Variants in TMEM132D observed in about 807,000 individuals in gnomAD.
TMEM132D encodes the protein mature OL transmembrane protein.
Under a neutral mutation model 62.3 loss-of-function variants are expected in TMEM132D, and 21 were observed. The observed-to-expected ratio is 0.34, with a 90% CI of 0.24 to 0.49. The LOEUF is 0.49. Among genes scored for constraint, TMEM132D ranks in the 20% least tolerant of loss-of-function variants. The pLI is 0.99. For synonymous variants in TMEM132D, 621 were observed against 575.6 expected (o/e 1.08, Z -1.13); for missense variants, 1,346 against 1,402.8 (o/e 0.96, Z 0.65).
chr12:129,290,968 C>T (rs186608362), intron 4 of TMEM132D, among the ~76,000 whole-genome samples: 27 of 152,244 alleles, frequency 1.8e-4, no homozygotes, highest in Non-Finnish European at 2.2e-4. Flanking sequence ...TAAAATTTTC[C>T]TTAAATTGCC....
chr12:129,611,977 C>T (rs1281418295), intron 2 of TMEM132D, among the ~76,000 whole-genome samples: 3 of 152,178 alleles, frequency 2.0e-5, no homozygotes, highest in Non-Finnish European at 1.5e-5. Context: ...ACAACGCAGA[C>T]ACTGGGCCGT....
Position 129,363,698 on chromosome 12 carries a change from C to T in TMEM132D, c.1116-25881G>A, listed in dbSNP as rs781451182. 9.9e-5 allele frequency among the ~76,000 whole-genome samples: 15 copies of T among 152,166 alleles called. No homozygotes were observed. The East Asian group carries it at 1.7e-3, about 18-fold the overall frequency. ...CTATGATCAATACATAATTGTGTTTCGGCCTTCAAGTGCTCAAGGTCTGAG... is the reference window on the plus strand; with the variant it reads ...CTATGATCAATACATAATTGTGTTTTGGCCTTCAAGTGCTCAAGGTCTGAG... On this transcript the variant is annotated intron_variant, in intron 3 of 8. Transcript: ENST00000422113.
intron 5 of TMEM132D, among the ~76,000 whole-genome samples, chr12:129,193,265 G>A (rs1406814419): frequency 1.3e-5 from 2 of 151,916 alleles, no homozygotes; most frequent in African/African-American, 4.8e-5. Flanking sequence ...GTTTTAAGGT[G>A]ACATATGGCA....
intron 2 of TMEM132D, among the ~76,000 whole-genome samples, chr12:129,586,053 G>GT (rs35429960): frequency 6.6e-6 from 1 of 150,772 alleles, no homozygotes. Flanking sequence ...GAATAAAATA[G>GT]AGGGTCTAGC....
At chr12:129,473,196 C>A (rs1247468099) in intron 3 of TMEM132D, among the ~76,000 whole-genome samples, 15 of 152,176 alleles carry the variant, frequency 9.9e-5, no homozygotes, top group Admixed American at 4.6e-4. Context: ...GTCAGCCTAA[C>A]CTTCAGCTAC....
chr12:129,121,011 G>A (rs1876040959), intron 5 of TMEM132D, among the ~76,000 whole-genome samples: 1 of 152,078 alleles, frequency 6.6e-6, no homozygotes, highest in African/African-American at 2.4e-5. Context: ...TAATATGCTA[G>A]GTAGGTTACA....
chr12:129,133,967 C>T (rs964827456), intron 5 of TMEM132D, among the ~76,000 whole-genome samples: 1 of 152,120 alleles, frequency 6.6e-6, no homozygotes, highest in Non-Finnish European at 1.5e-5. Flanking sequence ...GGGAGCCCAC[C>T]TGAGCAAGAA....
intron 2 of TMEM132D, among the ~76,000 whole-genome samples, chr12:129,586,734 C>T (rs1878040024): frequency 6.6e-6 from 1 of 152,172 alleles, no homozygotes. Context: ...AGTGAACGTT[C>T]AGTCCATGAT....
intron 3 of TMEM132D, among the ~76,000 whole-genome samples, chr12:129,478,692 T>C (rs1268679401): frequency 6.6e-6 from 1 of 152,220 alleles, no homozygotes; most frequent in Non-Finnish European, 1.5e-5. Context: ...TATGTTGCTG[T>C]GTTCAGTACA....
rs564251292 is a variant in TMEM132D, at chr12:129,717,563, GTATGGGAAACACAGAA to G, written c.80-16881_80-16866del. ...GATAAAATATTTAATAAATATTTCCGTATGGGAAACACAGAATATGGGAAACACAGAATATGGGAAA... is the reference window on the plus strand; with the variant it reads ...GATAAAATATTTAATAAATATTTCCGTATGGGAAACACAGAATATGGGAAA... On this transcript the variant is annotated intron_variant, in intron 1 of 8. Coordinates refer to ENST00000422113, the MANE Select transcript of TMEM132D (RefSeq NM_133448.3). 4.3e-3 allele frequency among the ~76,000 whole-genome samples: 638 copies of G among 149,008 alleles called. 3 individuals carry two copies. Among genetic ancestry groups the G allele is most frequent in the African/African-American group, 0.012 (495 of 40,896 alleles).
At chr12:129,435,723 G>A (rs757753589) in intron 3 of TMEM132D, among the ~76,000 whole-genome samples, 1 of 152,186 alleles carries the variant, frequency 6.6e-6, no homozygotes, top group Non-Finnish European at 1.5e-5. Flanking sequence ...TTATGGTTAA[G>A]TCATTCAGTG....
At chr12:129,441,188 A>G (rs150351036) in intron 3 of TMEM132D, among the ~76,000 whole-genome samples, 10 of 152,342 alleles carry the variant, frequency 6.6e-5, no homozygotes, top group Non-Finnish European at 1.2e-4. Flanking sequence ...AAAAACTTCC[A>G]AACAACCTCT....
chr12:129,590,899 T>C (rs756266445), intron 2 of TMEM132D, among the ~76,000 whole-genome samples: 3 of 152,182 alleles, frequency 2.0e-5, no homozygotes, highest in Non-Finnish European at 4.4e-5. Flanking sequence ...CATATTTCCA[T>C]TGAACGGACC....
intron 2 of TMEM132D, among the ~76,000 whole-genome samples, chr12:129,583,403 G>A (rs561583112): frequency 1.2e-4 from 19 of 152,278 alleles, no homozygotes; most frequent in South Asian, 1.2e-3. Context: ...AAAATGTTTC[G>A]TGTATTGATG....
At chr12:129,778,456 C>T (rs777279194) in intron 1 of TMEM132D, among the ~76,000 whole-genome samples, 19 of 152,088 alleles carry the variant, frequency 1.2e-4, no homozygotes, top group Admixed American at 1.3e-4. Flanking sequence ...ACTCTGCAGC[C>T]GTTCTTTCCA....
chr12:129,123,793 C>T (rs1038903114), intron 5 of TMEM132D, among the ~76,000 whole-genome samples: 6 of 151,124 alleles, frequency 4.0e-5, no homozygotes, highest in Non-Finnish European at 8.8e-5. Flanking sequence ...GGAAAAGCTT[C>T]TCTCTCTCTC....
At chr12:129,438,156 G>A (rs1423240073) in intron 3 of TMEM132D, among the ~76,000 whole-genome samples, 1 of 152,132 alleles carries the variant, frequency 6.6e-6, no homozygotes, top group Non-Finnish European at 1.5e-5. Flanking sequence ...GGGCATTTGG[G>A]TTGGTTCCAA....
chr12:129,780,674 G>A (rs924513624), intron 1 of TMEM132D, among the ~76,000 whole-genome samples: 2 of 152,126 alleles, frequency 1.3e-5, no homozygotes, highest in African/African-American at 4.8e-5. Flanking sequence ...TACAGGAAAT[G>A]TCCGTAATTG....
chr12:129,364,139 A>G (rs1315507436), intron 3 of TMEM132D, among the ~76,000 whole-genome samples: 1 of 152,230 alleles, frequency 6.6e-6, no homozygotes, highest in African/African-American at 2.4e-5. Context: ...AGTGAAATGT[A>G]GTGGTTGAGT....
Sources: allele counts gnomAD v4.1 joint callset (sites outside exome capture counted in the v4.1 genomes callset), GRCh38; gene constraint gnomAD v4.1.1; transcripts MANE v1.5; gene names NCBI Gene and HGNC (gene_info 2026-07-23, HGNC 2026-07-21).